Variants in PHACTR1 observed in about 807,000 individuals in gnomAD.
PHACTR1 encodes RPEL repeat containing 1.
A neutral mutation model predicts 69.2 loss-of-function variants in PHACTR1; 16 were observed. The ratio of observed to expected loss-of-function variants is 0.23; its 90% confidence interval spans 0.16 to 0.35. The LOEUF is 0.35. PHACTR1 is among the 10% of genes least tolerant of loss of function. The pLI, the probability that PHACTR1 is intolerant of heterozygous loss-of-function variation, is 1.00. For synonymous variants in PHACTR1, 312 were observed against 284.5 expected (o/e 1.10, Z -0.97); for missense variants, 510 against 734.7 (o/e 0.69, Z 3.54).
chr6:12,788,186 CA>C (rs1771786716), intron 4 of PHACTR1, among the ~76,000 whole-genome samples: 1 of 150,070 alleles, frequency 6.7e-6, no homozygotes, highest in Non-Finnish European at 1.5e-5. Context: ...AACACCTCAA[CA>C]AAGGAAACTG....
intron 5 of PHACTR1, among the ~76,000 whole-genome samples, chr6:13,093,348 CAGA>C (rs1426323407): frequency 6.6e-6 from 1 of 152,130 alleles, no homozygotes; most frequent in Non-Finnish European, 1.5e-5. Flanking sequence ...TGTATTTAGC[CAGA>C]AGAATACCAA....
chr6:12,869,896 G>A (rs1781850024), intron 4 of PHACTR1, among the ~76,000 whole-genome samples: 1 of 152,150 alleles, frequency 6.6e-6, no homozygotes, highest in South Asian at 2.1e-4. Flanking sequence ...TTTAGCAATA[G>A]TTCCTGAGCT....
At chr6:12,825,827 T>G (rs1238144015) in intron 4 of PHACTR1, among the ~76,000 whole-genome samples, 2 of 152,122 alleles carry the variant, frequency 1.3e-5, no homozygotes, top group Non-Finnish European at 2.9e-5. Context: ...TTCATGAAAT[T>G]CAGGTTTCCC....
In PHACTR1 at chr6:13,080,484, T is replaced by C. The variant is rs186282556; in HGVS notation, c.415+26955T>C. On this transcript the variant is annotated intron_variant, in intron 5 of 14. Coordinates refer to ENST00000332995, the MANE Select transcript of PHACTR1 (RefSeq NM_030948.6). Reference sequence around the variant, plus strand: ...TAACCAACTAAACCAATGGTGCATGTGATTTGCTTCGGCAAAGTCTTCTAA... The same window carrying C: ...TAACCAACTAAACCAATGGTGCATGCGATTTGCTTCGGCAAAGTCTTCTAA... Among the ~76,000 whole-genome samples the C allele has an allele frequency of 4.9e-4, 75 of 152,322 alleles. No homozygotes were observed. In the Middle Eastern group the frequency reaches 0.01, roughly 21 times the overall value.
chr6:12,913,430 C>T (rs985865544), intron 4 of PHACTR1, among the ~76,000 whole-genome samples: 2 of 152,190 alleles, frequency 1.3e-5, no homozygotes, highest in Non-Finnish European at 2.9e-5. Flanking sequence ...ACTGATTAAA[C>T]GCTAACAGCT....
At chr6:13,139,861 T>TC (rs1275430289) in intron 5 of PHACTR1, among the ~76,000 whole-genome samples, 13 of 152,292 alleles carry the variant, frequency 8.5e-5, no homozygotes, top group Non-Finnish European at 2.9e-5. Context: ...CCCTTCCTCC[T>TC]AACTTACTCA....
chr6:12,811,415 A>G (rs1195330873), intron 4 of PHACTR1, among the ~76,000 whole-genome samples: 2 of 152,318 alleles, frequency 1.3e-5, no homozygotes, highest in East Asian at 1.9e-4. Context: ...GTTTTAGTTA[A>G]TTTGACTTGT....
At chr6:13,155,739 T>C (rs1303609961) in intron 5 of PHACTR1, among the ~76,000 whole-genome samples, 2 of 151,882 alleles carry the variant, frequency 1.3e-5, no homozygotes, top group African/African-American at 2.4e-5. Flanking sequence ...AATACAAAAA[T>C]TAGCCAGGAG....
intron 5 of PHACTR1, among the ~76,000 whole-genome samples, chr6:13,121,812 G>A (rs1391578053): frequency 6.6e-6 from 1 of 152,176 alleles, no homozygotes; most frequent in Admixed American, 6.5e-5. Flanking sequence ...AAAGCAGGCT[G>A]TGCATGAAAT....
rs72820893 is a variant in PHACTR1 at position 13,099,100 on chromosome 6, C to T, written c.415+45571C>T. Among the ~76,000 whole-genome samples the T allele has an allele frequency of 6.2e-4, 95 of 152,354 alleles. 1 individual carries two copies. Among genetic ancestry groups the T allele is most frequent in the Admixed American group, 8.5e-4 (13 of 15,312 alleles). The stretch of plus-strand genomic sequence containing the variant: ...ACCTCAATGCTCTGTGTTTCCGGCT[C>T]TGTGGCCTCTGCATGTGACCTCGCA... On this transcript the variant is annotated intron_variant, in intron 5 of 14. Transcript: ENST00000332995.
At chr6:12,973,551 G>A (rs1350029532) in intron 4 of PHACTR1, among the ~76,000 whole-genome samples, 1 of 152,184 alleles carries the variant, frequency 6.6e-6, no homozygotes. Flanking sequence ...ACTGTTTTGA[G>A]GCATACTTTC....
intron 4 of PHACTR1, among the ~76,000 whole-genome samples, chr6:12,897,124 C>A (rs1172450325): frequency 6.6e-6 from 1 of 152,170 alleles, no homozygotes; most frequent in African/African-American, 2.4e-5. Context: ...CTGAAAACAA[C>A]AGGTAATTAA....
intron 4 of PHACTR1, among the ~76,000 whole-genome samples, chr6:12,836,634 C>T (rs1778196192): frequency 6.6e-6 from 1 of 152,142 alleles, no homozygotes; most frequent in African/African-American, 2.4e-5. Flanking sequence ...ATAAAAATAA[C>T]CTAAGCCTGC....
chr6:12,967,714 C>G (rs530936622), intron 4 of PHACTR1, among the ~76,000 whole-genome samples: 2 of 152,318 alleles, frequency 1.3e-5, no homozygotes, highest in South Asian at 2.1e-4. Flanking sequence ...AAAAGTGAAG[C>G]CGCATTTGAT....
intron 5 of PHACTR1, 35 bp from the exon 6 acceptor site, chr6:13,160,169 T>C: frequency 6.3e-7 from 1 of 1,581,114 alleles, no homozygotes; most frequent in Non-Finnish European, 8.7e-7. Context: ...TGTTACCTAC[T>C]CACATCTGCC....
chr6:12,914,983 G>C (rs1204028447), intron 4 of PHACTR1, among the ~76,000 whole-genome samples: 1 of 152,202 alleles, frequency 6.6e-6, no homozygotes, highest in Non-Finnish European at 1.5e-5. Context: ...TGTGATGAAG[G>C]TGAGCCTAGG....
chr6:13,204,077 A>G (rs957711152), intron 7 of PHACTR1, among the ~76,000 whole-genome samples: 3 of 152,150 alleles, frequency 2.0e-5, no homozygotes, highest in South Asian at 2.1e-4. Flanking sequence ...TTCAGGTGCC[A>G]TAGGTAAGGT....
At chr6:12,770,401 C>G (rs1769230042) in intron 4 of PHACTR1, among the ~76,000 whole-genome samples, 1 of 152,066 alleles carries the variant, frequency 6.6e-6, no homozygotes, top group African/African-American at 2.4e-5. Flanking sequence ...TCACTGGGCA[C>G]AGGAAATGAA....
intron 4 of PHACTR1, among the ~76,000 whole-genome samples, chr6:12,820,711 A>T (rs1776108115): frequency 1.3e-5 from 2 of 152,322 alleles, no homozygotes; most frequent in South Asian, 4.1e-4. Context: ...AATTAATTGG[A>T]AATCAAAGCA....
Sources: allele counts gnomAD v4.1 joint callset (sites outside exome capture counted in the v4.1 genomes callset), GRCh38; gene constraint gnomAD v4.1.1; transcripts MANE v1.5; gene names NCBI Gene and HGNC (gene_info 2026-07-23, HGNC 2026-07-21).